The following LRBA variants were observed in gnomAD, a reference collection of about 807,000 sequenced individuals.
LRBA encodes LPS responsive beige-like anchor protein.
LRBA carries 176 observed loss-of-function variants against 330.0 expected under a neutral mutation model. That is an observed-to-expected ratio of 0.53 (90% confidence interval 0.47 to 0.60). The LOEUF (loss-of-function observed/expected upper bound fraction) is 0.60. LRBA is among the 20% of genes least tolerant of loss of function. The pLI is 0.00. For missense variants in LRBA, 3,259 were observed against 3,444.8 expected (o/e 0.95, Z 1.35); for synonymous variants, 1,230 against 1,193.0 (o/e 1.03, Z -0.64).
At chr4:150,407,320 A>G (rs1489152416) in intron 47 of LRBA, among the ~76,000 whole-genome samples, 1 of 152,236 alleles carries the variant, frequency 6.6e-6, no homozygotes, top group Non-Finnish European at 1.5e-5. Flanking sequence ...AAGTGTTTGC[A>G]GTAATTTGCT....
chr4:150,558,306 C>T (rs1383490111), intron 40 of LRBA, among the ~76,000 whole-genome samples: 2 of 152,114 alleles, frequency 1.3e-5, no homozygotes, highest in Non-Finnish European at 1.5e-5. Context: ...ATTATTTAGA[C>T]TCCTTCTATA....
intron 36 of LRBA, among the ~76,000 whole-genome samples, chr4:150,715,177 C>T (rs1198354950): frequency 6.6e-6 from 1 of 152,118 alleles, no homozygotes; most frequent in Non-Finnish European, 1.5e-5. Context: ...AATCAGACCT[C>T]GTATTGAAAG....
chr4:150,823,290 T>A (rs1022772253), intron 30 of LRBA, among the ~76,000 whole-genome samples: 13 of 152,204 alleles, frequency 8.5e-5, no homozygotes, highest in Non-Finnish European at 1.5e-4. Context: ...GTAATATTTT[T>A]AAATTATTAT....
intron 37 of LRBA, among the ~76,000 whole-genome samples, chr4:150,616,374 G>C (rs946497973): frequency 1.3e-5 from 2 of 152,130 alleles, no homozygotes; most frequent in Admixed American, 6.5e-5. Context: ...ATTTTGAAGA[G>C]AGGCCAGTAG....
chr4:150,398,500 A>C (rs977275843), intron 47 of LRBA, among the ~76,000 whole-genome samples: 5 of 152,200 alleles, frequency 3.3e-5, no homozygotes, highest in Non-Finnish European at 5.9e-5. Context: ...ATTCATAGGA[A>C]AAATTATTTT....
intron 40 of LRBA, among the ~76,000 whole-genome samples, chr4:150,543,233 C>T (rs542160720): frequency 1.3e-5 from 2 of 152,258 alleles, no homozygotes; most frequent in South Asian, 2.1e-4. Context: ...ACATGTCATT[C>T]TTATCTCTGT....
intron 34 of LRBA, among the ~76,000 whole-genome samples, chr4:150,762,440 TTATC>T (rs1735222359): frequency 6.6e-6 from 1 of 151,766 alleles, no homozygotes; most frequent in Non-Finnish European, 1.5e-5. Context: ...CCATTAAACT[TTATC>T]CACTAAAAAG....
intron 40 of LRBA, among the ~76,000 whole-genome samples, chr4:150,532,933 G>T (rs1764203586): frequency 1.3e-5 from 2 of 152,040 alleles, no homozygotes; most frequent in South Asian, 4.2e-4. Flanking sequence ...TGGGAAAAAA[G>T]AATTTTCTAC....
At chr4:150,307,614 T>C (rs1730531202) in intron 52 of LRBA, among the ~76,000 whole-genome samples, 1 of 151,214 alleles carries the variant, frequency 6.6e-6, no homozygotes, top group Non-Finnish European at 1.5e-5. Flanking sequence ...TGTAGTGGCA[T>C]GTGCCTGTGG....
At chr4:150,870,134 A>G (rs925902366) in intron 20 of LRBA, among the ~76,000 whole-genome samples, 2 of 152,216 alleles carry the variant, frequency 1.3e-5, no homozygotes, top group Non-Finnish European at 2.9e-5. Context: ...TATCTTCATA[A>G]ACAATAAAGA....
intron 34 of LRBA, among the ~76,000 whole-genome samples, chr4:150,763,153 C>T (rs912400361): frequency 1.3e-5 from 2 of 151,728 alleles, no homozygotes; most frequent in Non-Finnish European, 2.9e-5. Flanking sequence ...ATCAGTAAAA[C>T]GTTGGAGGGT....
intron 37 of LRBA, among the ~76,000 whole-genome samples, chr4:150,672,633 C>A (rs75397543): frequency 6.6e-6 from 1 of 151,924 alleles, no homozygotes; most frequent in Non-Finnish European, 1.5e-5. Flanking sequence ...TCCAAATTAT[C>A]ATCTGGATCA....
At chr4:150,545,646 C>G (rs1765774597) in intron 40 of LRBA, among the ~76,000 whole-genome samples, 1 of 151,998 alleles carries the variant, frequency 6.6e-6, no homozygotes, top group Admixed American at 6.6e-5. Context: ...TTTATATGTA[C>G]TGAATACTGG....
intron 40 of LRBA, among the ~76,000 whole-genome samples, chr4:150,516,601 A>G (rs1330432849): frequency 2.0e-5 from 3 of 152,122 alleles, no homozygotes; most frequent in Admixed American, 6.5e-5. Flanking sequence ...GATAAAGAAT[A>G]TAAAAGGAAT....
At chr4:151,013,766 T>C (rs180875673) in intron 2 of LRBA, 63 of 136,296 alleles carry the variant, frequency 4.6e-4, no homozygotes, top group Non-Finnish European at 6.5e-4. Context: ...AATGACTAAC[T>C]ATGCTTTCCT....
intron 37 of LRBA, among the ~76,000 whole-genome samples, chr4:150,672,311 T>C (rs928399365): frequency 1.3e-5 from 2 of 151,988 alleles, no homozygotes; most frequent in Non-Finnish European, 2.9e-5. Flanking sequence ...TAGTAAACAT[T>C]GACAAGAAGA....
chr4:150,780,607 A>ATATATATATACGTG (rs1738025333), intron 34 of LRBA, among the ~76,000 whole-genome samples: 1 of 131,198 alleles, frequency 7.6e-6, no homozygotes, highest in East Asian at 2.2e-4. Flanking sequence ...GATACCAACT[A>ATATATATATACGTG]TATATATATA....
chr4:150,632,564 T>C (rs78417767), intron 37 of LRBA, among the ~76,000 whole-genome samples: 118 of 152,246 alleles, frequency 7.8e-4, no homozygotes, highest in African/African-American at 2.4e-3. Context: ...TTAGACACCA[T>C]TAGGCTTGGT....
At chr4:150,400,817 G>A (rs56397289) in intron 47 of LRBA, among the ~76,000 whole-genome samples, 33,153 of 152,076 alleles carry the variant, frequency 0.22, 4,437 homozygotes, top group Non-Finnish European at 0.31. Context: ...CCAGCCTGGT[G>A]ACAATGAGAT....
Sources: allele counts gnomAD v4.1 joint callset (sites outside exome capture counted in the v4.1 genomes callset), GRCh38; gene constraint gnomAD v4.1.1; transcripts MANE v1.5; gene names NCBI Gene and HGNC (gene_info 2026-07-23, HGNC 2026-07-21).